Variants in MTUS1 observed in about 807,000 individuals in gnomAD.
The protein encoded by MTUS1 is microtubule-associated tumor suppressor 1.
In MTUS1, 109 loss-of-function variants were observed where a neutral mutation model predicts 120.8. That is an observed-to-expected ratio of 0.90 (90% CI 0.77 to 1.06). The LOEUF (loss-of-function observed/expected upper bound fraction) is 1.06, where lower values mean the gene tolerates loss of function less well. Among genes scored for constraint, MTUS1 ranks in the 50% least tolerant of loss-of-function variants. The pLI is 0.00. For synonymous variants in MTUS1, 737 were observed against 550.5 expected, an observed-to-expected ratio of 1.34 and a Z score of -4.74; for missense variants, 2,210 against 1,486.3, an observed-to-expected ratio of 1.49 and a Z score of -8.01.
In MTUS1 at chr8:17,755,809, C is replaced by A; in HGVS notation, c.-2G>T. The A allele has an allele frequency of 6.2e-7, 1 of 1,610,256 alleles. No homozygotes were observed. On this transcript the variant is annotated 5_prime_UTR_variant, in exon 2 of 15. It adds an upstream start codon to the 5' untranslated region. Transcript: ENST00000693296. ...ATCATCTGAATTATCATCAGTCATC[C>A]TGAATAGTAACCTTAAACCTCTGCC...
At chr8:17,728,467 G>A (rs933944244) in intron 3 of MTUS1, among the ~76,000 whole-genome samples, 2 of 152,222 alleles carry the variant, frequency 1.3e-5, no homozygotes, top group Non-Finnish European at 2.9e-5. Flanking sequence ...TCTTACACAA[G>A]TATTTATGTG....
intron 7 of MTUS1, among the ~76,000 whole-genome samples, chr8:17,682,625 A>C (rs1814807310): frequency 6.6e-6 from 1 of 152,214 alleles, no homozygotes; most frequent in South Asian, 2.1e-4. Context: ...GAAGGGGAAA[A>C]GCACTGTGAA....
chr8:17,665,831 G>A (rs17689904), intron 8 of MTUS1, among the ~76,000 whole-genome samples: 9,335 of 152,224 alleles, frequency 0.061, 498 homozygotes, highest in East Asian at 0.24. Context: ...AAGATTCCAA[G>A]ATAAGGCAGG....
At chr8:17,729,246 A>C (rs1052380874) in intron 3 of MTUS1, among the ~76,000 whole-genome samples, 3 of 152,252 alleles carry the variant, frequency 2.0e-5, no homozygotes, top group Non-Finnish European at 4.4e-5. Flanking sequence ...AAACAAGTTA[A>C]CAAGTTATAA....
intron 4 of MTUS1, chr8:17,721,854 A>C: frequency 6.2e-7 from 1 of 1,614,136 alleles, no homozygotes; most frequent in Non-Finnish European, 8.5e-7. Flanking sequence ...AGATTTTTGA[A>C]GAAATATCAG....
intron 8 of MTUS1, among the ~76,000 whole-genome samples, chr8:17,673,680 G>T (rs3862091): frequency 6.6e-5 from 10 of 151,824 alleles, no homozygotes; most frequent in Admixed American, 6.5e-4. Flanking sequence ...GTCTCAAACT[G>T]CTGGCCTCAA....
intron 3 of MTUS1, among the ~76,000 whole-genome samples, chr8:17,725,857 G>A (rs2046196275): frequency 6.6e-6 from 1 of 152,096 alleles, no homozygotes; most frequent in Non-Finnish European, 1.5e-5. Flanking sequence ...CTTCCAATGT[G>A]GCCCAGGGAA....
At chr8:17,780,966 G>T (rs1465210228) in intron 1 of MTUS1, 2 of 152,210 alleles carry the variant, frequency 1.3e-5, no homozygotes, top group East Asian at 3.8e-4. Context: ...ACACTTCATA[G>T]TCAATCCTGA....
chr8:17,778,936 G>C (rs1245617421), intron 1 of MTUS1, among the ~76,000 whole-genome samples: 5 of 152,182 alleles, frequency 3.3e-5, no homozygotes, highest in African/African-American at 4.8e-5. Flanking sequence ...AATGTACTGA[G>C]TGCCCATCTA....
chr8:17,648,010 G>A (rs1050476268), intron 13 of MTUS1, among the ~76,000 whole-genome samples: 1 of 152,158 alleles, frequency 6.6e-6, no homozygotes, highest in African/African-American at 2.4e-5. Context: ...TCCAGAAAAG[G>A]AGTCTACGTT....
chr8:17,741,158 C>T (rs1245905204), intron 3 of MTUS1, among the ~76,000 whole-genome samples: 3 of 152,020 alleles, frequency 2.0e-5, no homozygotes, highest in African/African-American at 4.8e-5. Context: ...GGATTACAAG[C>T]GTGAGCCACC....
At chr8:17,791,889 G>C (rs896999592) in intron 1 of MTUS1, among the ~76,000 whole-genome samples, 11 of 152,148 alleles carry the variant, frequency 7.2e-5, no homozygotes, top group African/African-American at 2.7e-4. Flanking sequence ...AGCACCCATT[G>C]ATCATTTTCT....
intron 8 of MTUS1, among the ~76,000 whole-genome samples, chr8:17,658,477 G>C (rs1397509479): frequency 3.3e-5 from 5 of 152,148 alleles, no homozygotes; most frequent in Non-Finnish European, 7.4e-5. Context: ...TCCTTAGGAA[G>C]CCTGACTTTG....
rs188884595 is a variant in MTUS1, at chr8:17,748,827, C to G, written c.2091+4890G>C. ...ACTGCACTAGGCACTCAGACAGGGT[C>G]TCTTTTTTCCCTACATCCTAACAAT... On this transcript the variant is annotated intron_variant, in intron 2 of 14. Transcript: ENST00000693296. Among the ~76,000 whole-genome samples, 6 of 152,266 alleles carry G rather than the reference C, an allele frequency of 3.9e-5. No homozygotes were observed. The East Asian group carries it at 9.7e-4, about 25-fold the overall frequency.
intron 1 of MTUS1, among the ~76,000 whole-genome samples, chr8:17,775,080 T>C (rs2050314418): frequency 6.6e-6 from 1 of 151,106 alleles, no homozygotes; most frequent in South Asian, 2.1e-4. Context: ...CAATTCGAGG[T>C]TACCAGGGGC....
intron 3 of MTUS1, among the ~76,000 whole-genome samples, chr8:17,726,912 T>C (rs567349657): frequency 6.6e-4 from 100 of 152,334 alleles, no homozygotes; most frequent in Non-Finnish European, 1.1e-3. Flanking sequence ...AATCAGCTTA[T>C]TCTTCAGAAA....
intron 6 of MTUS1, chr8:17,703,915 C>T (rs920748242): frequency 3.9e-5 from 6 of 152,086 alleles, no homozygotes; most frequent in African/African-American, 9.7e-5. Context: ...ATCTTTGTGA[C>T]GTACTCCCTG....
At chr8:17,646,599 T>A (rs1033426253) in intron 14 of MTUS1, among the ~76,000 whole-genome samples, 4 of 152,038 alleles carry the variant, frequency 2.6e-5, no homozygotes, top group African/African-American at 9.7e-5. Flanking sequence ...AAAAAATATA[T>A]AATAATAACT....
At chr8:17,669,663 T>C (rs943536246) in intron 8 of MTUS1, among the ~76,000 whole-genome samples, 3 of 151,972 alleles carry the variant, frequency 2.0e-5, no homozygotes, top group East Asian at 1.9e-4. Context: ...CTGGCCAACA[T>C]GGTGAAACCT....
Sources: allele counts gnomAD v4.1 joint callset (sites outside exome capture counted in the v4.1 genomes callset), GRCh38; gene constraint gnomAD v4.1.1; transcripts MANE v1.5; gene names NCBI Gene and HGNC (gene_info 2026-07-23, HGNC 2026-07-21).